Variants in JAKMIP1 observed in about 807,000 individuals in gnomAD.
The protein encoded by JAKMIP1 is janus kinase and microtubule-interacting protein 1.
Under a neutral mutation model 113.0 loss-of-function variants are expected in JAKMIP1, and 33 were observed. The ratio of observed to expected loss-of-function variants is 0.29; its 90% confidence interval spans 0.22 to 0.39. The LOEUF (loss-of-function observed/expected upper bound fraction) is 0.39. JAKMIP1 is among the 10% of genes least tolerant of loss of function. The pLI is 1.00. For missense variants in JAKMIP1, 813 were observed against 1,080.5 expected (o/e 0.75, Z 3.47); for synonymous variants, 480 against 459.9 (o/e 1.04, Z -0.56).
rs1720087995 is a variant in JAKMIP1, at chr4:6,078,941, T to C, written c.1300A>G (p.Lys434Glu). The C allele has an allele frequency of 1.9e-6, 3 of 1,614,206 alleles. No homozygotes were observed. Among genetic ancestry groups the C allele is most frequent in the Non-Finnish European group, 2.5e-6 (3 of 1,180,020 alleles). Residue 434 changes from lysine to glutamate, a missense_variant and splice_region_variant, in exon 8 of 21, where the codon AAG becomes GAG. Transcript: ENST00000409021. ...RHRGKSLKPP[K>E]KHVVETFFGF... ...CAGGTGCACCATCGCAGGCTCACCT[T>C]GGGCGGTTTCAGACTTTTCCCTCGA...
chr4:6,168,374 A>G lies in JAKMIP1; in HGVS notation c.-148+31879T>C, dbSNP rs181466899. On this transcript the variant is annotated intron_variant, in intron 1 of 20. Transcript: ENST00000409021. This position sits in a 1 kb window ranked among gnomAD's most constrained non-coding sequence, Gnocchi z 4.6. Reference sequence around the variant, plus strand: ...GGCAGCACGATTCCTAACACCCAACATGTGAACACAACCCAAATGTGCATC... The same window carrying G: ...GGCAGCACGATTCCTAACACCCAACGTGTGAACACAACCCAAATGTGCATC... Among the ~76,000 whole-genome samples the G allele has an allele frequency of 4.1e-3, 624 of 152,340 alleles. 19 individuals are homozygous for G. The highest frequency in any genetic ancestry group is 0.036 in the Admixed American group (550 of 15,308).
At position 6,169,603 on chromosome 4, in the gene JAKMIP1, TTGTGTGTG is replaced by T. The variant is rs71173413; in HGVS notation, c.-148+30642_-148+30649del. ...AATTTGTTACACCAGCCCTAGGAAA[TTGTGTGTG>T]TGTGTGTGTGTGTGTGTGTGTGTGT... On this transcript the variant is annotated intron_variant, in intron 1 of 20. Coordinates refer to ENST00000409021, the MANE Select transcript of JAKMIP1 (RefSeq NM_001099433.2). Among the ~76,000 whole-genome samples, 1,212 of 137,370 alleles carry T rather than the reference TTGTGTGTG, an allele frequency of 8.8e-3. 5 individuals are homozygous for T. Among genetic ancestry groups the T allele is most frequent in the South Asian group, 0.02 (88 of 4,340 alleles). 90.1% of individuals were successfully genotyped at this position (137,370 alleles called of 152,430 possible).
chr4:6,175,374 C>T (rs1010276049), intron 1 of JAKMIP1, among the ~76,000 whole-genome samples: 14 of 152,212 alleles, frequency 9.2e-5, no homozygotes, highest in African/African-American at 3.1e-4. Context: ...TGCCTCTGGA[C>T]AAAGCCTGAA....
rs998177476 is a variant in JAKMIP1, at chr4:6,086,991, C to T, written c.625-1362G>A. ...CATGCAGACACCTTGATTTCAATCT[C>T]CTGGCCTCCAGAACTGTATAGGAAC... On this transcript the variant is annotated intron_variant, in intron 3 of 20. Coordinates refer to ENST00000409021, the MANE Select transcript of JAKMIP1 (RefSeq NM_001099433.2). The surrounding 1 kb of genome is among the most constrained non-coding windows in gnomAD (Gnocchi z 4.1). Among the ~76,000 whole-genome samples, 5 of 152,120 alleles carry T rather than the reference C, an allele frequency of 3.3e-5. No homozygotes were observed. Among genetic ancestry groups the T allele is most frequent in the Non-Finnish European group, 7.3e-5 (5 of 68,034 alleles).
intron 1 of JAKMIP1, among the ~76,000 whole-genome samples, chr4:6,133,574 G>A (rs1221488386): frequency 2.0e-5 from 3 of 152,208 alleles, no homozygotes; most frequent in African/African-American, 7.2e-5. Context: ...TAGCCATGAT[G>A]TTAATGCCTG....
intron 1 of JAKMIP1, among the ~76,000 whole-genome samples, chr4:6,134,211 C>T (rs997350138): frequency 1.3e-5 from 2 of 152,208 alleles, no homozygotes. Flanking sequence ...CCGCCTGCCG[C>T]CATGTAAGAC....
At position 6,080,395 on chromosome 4, in the gene JAKMIP1, G is replaced by T; in HGVS notation, c.1102-83C>A. 6.7e-7 allele frequency: 1 copy of T among 1,494,946 alleles called. No homozygotes were observed. 92.6% of individuals were successfully genotyped at this position (1,494,946 alleles called of 1,614,324 possible). On this transcript the variant is annotated intron_variant, in intron 6 of 20. Coordinates refer to ENST00000409021, the MANE Select transcript of JAKMIP1 (RefSeq NM_001099433.2). The surrounding 1 kb of genome is among the most constrained non-coding windows in gnomAD (Gnocchi z 6.0). ...GACAGTGCTGGAGTGGAGCTCAGGG[G>T]TGCAGGGACAGAAGGATGGATGGGA... is the stretch of plus-strand genomic sequence containing the variant.
In JAKMIP1 at chr4:6,162,466, C is replaced by A. The variant is rs1723088323; in HGVS notation, c.-148+37787G>T. ...AGCCAAGTGACAGGGGCAGATGGAGCCAGGGCCCTTGGTCCCTTCTACACA... is the reference window on the plus strand; with the variant it reads ...AGCCAAGTGACAGGGGCAGATGGAGACAGGGCCCTTGGTCCCTTCTACACA... On this transcript the variant is annotated intron_variant, in intron 1 of 20. Coordinates refer to ENST00000409021, the MANE Select transcript of JAKMIP1 (RefSeq NM_001099433.2). The surrounding 1 kb of genome is among the most constrained non-coding windows in gnomAD (Gnocchi z 5.6). 6.6e-6 allele frequency among the ~76,000 whole-genome samples: 1 copy of A among 152,174 alleles called. No homozygotes were observed. The highest frequency in any genetic ancestry group is 2.4e-5 in the African/African-American group (1 of 41,454).
At chr4:6,195,415 T>C (rs934150711) in intron 1 of JAKMIP1, among the ~76,000 whole-genome samples, 1 of 152,204 alleles carries the variant, frequency 6.6e-6, no homozygotes, top group Non-Finnish European at 1.5e-5. Flanking sequence ...TGATTAAATA[T>C]TTTAATATAT....
intron 1 of JAKMIP1, among the ~76,000 whole-genome samples, chr4:6,119,416 T>C (rs374595792): frequency 1.3e-5 from 2 of 152,164 alleles, no homozygotes; most frequent in East Asian, 3.9e-4. Context: ...TGGTTGCGCA[T>C]GGCTGTAATC....
In JAKMIP1 at chr4:6,148,023, C is replaced by T. The variant is rs538278221; in HGVS notation, c.-147-35026G>A. ...ATTTTCATTCCTTAGGAGCAAGGACCGTGTCTTAGTCATCTTTGTGCTCCT... is the reference window on the plus strand; with the variant it reads ...ATTTTCATTCCTTAGGAGCAAGGACTGTGTCTTAGTCATCTTTGTGCTCCT... On this transcript the variant is annotated intron_variant, in intron 1 of 20. Coordinates refer to ENST00000409021, the MANE Select transcript of JAKMIP1 (RefSeq NM_001099433.2). Among the ~76,000 whole-genome samples, 6 of 152,330 alleles carry T rather than the reference C, an allele frequency of 3.9e-5. No individual in the cohort carries two copies. The East Asian group carries it at 9.6e-4, about 24-fold the overall frequency.
At chr4:6,127,724 G>A (rs1334731405) in intron 1 of JAKMIP1, among the ~76,000 whole-genome samples, 2 of 152,202 alleles carry the variant, frequency 1.3e-5, no homozygotes, top group African/African-American at 4.8e-5. Context: ...CCCTTTCCCT[G>A]ACACGTGGTC....
chr4:6,055,347 A>G (rs180844792), intron 12 of JAKMIP1, among the ~76,000 whole-genome samples: 5 of 152,330 alleles, frequency 3.3e-5, no homozygotes, highest in African/African-American at 1.2e-4. Flanking sequence ...CAGTAGATTT[A>G]CAAAAAGAAT....
chr4:6,030,761 G>A (rs536027348), intron 19 of JAKMIP1, among the ~76,000 whole-genome samples: 1 of 152,366 alleles, frequency 6.6e-6, no homozygotes, highest in South Asian at 2.1e-4. Flanking sequence ...TTCAGGCCCA[G>A]AGAAGCCATC....
In JAKMIP1 at chr4:6,190,790, G is replaced by A. The variant is rs1039074915; in HGVS notation, c.-148+9463C>T. ...CAGGGATGGGGTGATACCCCAGGACGCCAGAGCTCCCAGGGTGATGTGACA... is the reference window on the plus strand; with the variant it reads ...CAGGGATGGGGTGATACCCCAGGACACCAGAGCTCCCAGGGTGATGTGACA... On this transcript the variant is annotated intron_variant, in intron 1 of 20. Transcript: ENST00000409021. 5.3e-5 allele frequency among the ~76,000 whole-genome samples: 8 copies of A among 152,248 alleles called. No individual in the cohort carries two copies. The East Asian group carries it at 5.8e-4, about 11-fold the overall frequency.
In JAKMIP1 at chr4:6,181,990, T is replaced by C. The variant is rs1726078650; in HGVS notation, c.-148+18263A>G. On this transcript the variant is annotated intron_variant, in intron 1 of 20. Transcript: ENST00000409021. The surrounding 1 kb of genome is among the most constrained non-coding windows in gnomAD (Gnocchi z 5.4). ...GGGCAAGTTCAGGGAAAGCAGACGA[T>C]TCAATAAGGTAAGGGACAGTGTTAT... is the stretch of plus-strand genomic sequence containing the variant. Among the ~76,000 whole-genome samples, 1 of 152,036 alleles carries C rather than the reference T, an allele frequency of 6.6e-6. No individual in the cohort carries two copies. Among genetic ancestry groups the C allele is most frequent in the African/African-American group, 2.4e-5 (1 of 41,370 alleles).
chr4:6,092,864 G>A (rs1363125739), intron 3 of JAKMIP1, among the ~76,000 whole-genome samples: 3 of 152,172 alleles, frequency 2.0e-5, no homozygotes, highest in Non-Finnish European at 2.9e-5. Context: ...GTGGGCACAA[G>A]GTGTTTGCTT....
chr4:6,142,431 C>T lies in JAKMIP1; in HGVS notation c.-147-29434G>A, dbSNP rs1025934883. On this transcript the variant is annotated intron_variant, in intron 1 of 20. Coordinates refer to ENST00000409021, the MANE Select transcript of JAKMIP1 (RefSeq NM_001099433.2). The surrounding 1 kb of genome is among the most constrained non-coding windows in gnomAD (Gnocchi z 5.5). ...TTTTAAACGACTGGTTTTTGCACCT[C>T]CAGCCAAAGTCTTACATGAACTTGT... 6.6e-6 allele frequency among the ~76,000 whole-genome samples: 1 copy of T among 152,190 alleles called. No homozygotes were observed. Among genetic ancestry groups the T allele is most frequent in the African/African-American group, 2.4e-5 (1 of 41,448 alleles).
intron 1 of JAKMIP1, among the ~76,000 whole-genome samples, chr4:6,147,445 C>T (rs748152468): frequency 2.6e-5 from 4 of 152,118 alleles, no homozygotes; most frequent in African/African-American, 4.8e-5. Context: ...GAATTAATAG[C>T]TGAGGCCAGG....
Sources: gnomAD v4.1 joint callset for allele counts (sites outside exome capture counted in the v4.1 genomes callset) on GRCh38, gnomAD v4.1.1 for gene constraint, Gnocchi (gnomAD v3.1) non-coding constraint, MANE v1.5 for transcripts, NCBI Gene and HGNC (gene_info 2026-07-23, HGNC 2026-07-21) for gene names.